NHSL2: variants seen among roughly 807,000 people sequenced by gnomAD.
NHSL2 encodes NHS like 2, also known as NHS-like protein 2.
NHSL2 carries 27 observed loss-of-function variants against 53.4 expected under a neutral mutation model. That is an observed-to-expected ratio of 0.51 (90% CI 0.37 to 0.70). The LOEUF (loss-of-function observed/expected upper bound fraction) is 0.70. NHSL2 is among the 30% of genes least tolerant of loss of function. The pLI, the probability that NHSL2 is intolerant of heterozygous loss-of-function variation, is 0.00. For missense variants in NHSL2, 892 were observed against 980.1 expected, an observed-to-expected ratio of 0.91 and a Z score of 1.20; for synonymous variants, 408 against 404.1, an observed-to-expected ratio of 1.01 and a Z score of -0.12.
Position 72,058,733 on chromosome X carries a change from A to G in NHSL2, c.281-73346A>G, listed in dbSNP as rs1225401413. 4.4e-5 allele frequency among the ~76,000 whole-genome samples: 5 copies of G among 112,441 alleles called. No homozygotes were observed. The South Asian group carries it at 1.8e-3, about 41-fold the overall frequency. ...CCAGTTCCTTGTCCAGAAAATCCTCATTGTAAAGGACACCAGGATTGCTAC... is the reference window on the plus strand; with the variant it reads ...CCAGTTCCTTGTCCAGAAAATCCTCGTTGTAAAGGACACCAGGATTGCTAC... On this transcript the variant is annotated intron_variant, in intron 1 of 7. Transcript: ENST00000633930.
chrX:71,962,627 CTTTT>C (rs57600316), intron 1 of NHSL2, among the ~76,000 whole-genome samples: 58 of 54,771 alleles, frequency 1.1e-3, no homozygotes, highest in Middle Eastern at 9.5e-3. Flanking sequence ...CATCTCTTTC[CTTTT>C]TTTTTTTTTT....
intron 1 of NHSL2, among the ~76,000 whole-genome samples, chrX:71,967,914 T>G (rs2041908222): frequency 9.0e-6 from 1 of 111,076 alleles, no homozygotes; most frequent in Non-Finnish European, 1.9e-5. Flanking sequence ...GAAGAGGTAT[T>G]GATTTTTCAG....
intron 1 of NHSL2, among the ~76,000 whole-genome samples, chrX:72,056,815 A>G (rs1203280386): frequency 2.7e-5 from 3 of 112,433 alleles, no homozygotes; most frequent in South Asian, 3.7e-4. Context: ...GCTGCCTACA[A>G]ATACTTTTAC....
intron 1 of NHSL2, among the ~76,000 whole-genome samples, chrX:72,058,454 C>A (rs1190230508): frequency 9.0e-6 from 1 of 111,723 alleles, no homozygotes; most frequent in Non-Finnish European, 1.9e-5. Flanking sequence ...AAGCGATTCT[C>A]CTGCCTCAGC....
chrX:72,008,839 G>A (rs184078930), intron 1 of NHSL2, among the ~76,000 whole-genome samples: 18 of 111,822 alleles, frequency 1.6e-4, no homozygotes, highest in Admixed American at 1.4e-3. Flanking sequence ...TGCCACCATC[G>A]TCTCTGGCCT....
chrX:71,912,707 G>A (rs772638496), intron 1 of NHSL2, among the ~76,000 whole-genome samples: 1 of 112,417 alleles, frequency 8.9e-6, no homozygotes, highest in South Asian at 3.7e-4. Flanking sequence ...TGGACCAGGA[G>A]CCTCTGCATG....
At chrX:72,064,416 G>A (rs1351842591) in intron 1 of NHSL2, among the ~76,000 whole-genome samples, 1 of 112,250 alleles carries the variant, frequency 8.9e-6, no homozygotes, top group Non-Finnish European at 1.9e-5. Context: ...TCCCAACCCT[G>A]CCACTTACTA....
intron 1 of NHSL2, among the ~76,000 whole-genome samples, chrX:72,116,314 C>A (rs1185897460): frequency 8.9e-6 from 1 of 111,896 alleles, no homozygotes; most frequent in Non-Finnish European, 1.9e-5. Flanking sequence ...GTAATTCTAA[C>A]TGGATCATAA....
intron 1 of NHSL2, among the ~76,000 whole-genome samples, chrX:71,979,093 G>A (rs1159144503): frequency 5.4e-5 from 6 of 110,357 alleles, no homozygotes; most frequent in Middle Eastern, 4.6e-3. Flanking sequence ...ACATCAACTC[G>A]TCCTTTTTAT....
At chrX:72,056,989 G>C (rs1023353772) in intron 1 of NHSL2, among the ~76,000 whole-genome samples, 4 of 112,424 alleles carry the variant, frequency 3.6e-5, no homozygotes, top group African/African-American at 1.3e-4. Context: ...ACCAGGGCCT[G>C]ATTCTGTGAA....
At chrX:72,053,580 C>T (rs960963793) in intron 1 of NHSL2, among the ~76,000 whole-genome samples, 3 of 111,593 alleles carry the variant, frequency 2.7e-5, no homozygotes, top group Non-Finnish European at 5.6e-5. Context: ...AGTTCAGAAT[C>T]GTAGACTGGC....
At chrX:72,082,543 A>G (rs1298362493) in intron 1 of NHSL2, among the ~76,000 whole-genome samples, 2 of 111,803 alleles carry the variant, frequency 1.8e-5, no homozygotes, top group Admixed American at 9.4e-5. Flanking sequence ...TCCAGTGAGG[A>G]GGCTTAAGTG....
At chrX:71,967,902 A>G (rs1446971052) in intron 1 of NHSL2, among the ~76,000 whole-genome samples, 1 of 110,960 alleles carries the variant, frequency 9.0e-6, no homozygotes, top group Non-Finnish European at 1.9e-5. Context: ...TGATTAATCT[A>G]AGAAGAGGTA....
intron 1 of NHSL2, among the ~76,000 whole-genome samples, chrX:72,028,178 G>A (rs921938252): frequency 8.9e-6 from 1 of 112,589 alleles, no homozygotes; most frequent in Non-Finnish European, 1.9e-5. Context: ...CAGTGGGCCA[G>A]GAGCCACTCA....
At chrX:71,972,625 G>T (rs933449159) in intron 1 of NHSL2, among the ~76,000 whole-genome samples, 1 of 105,159 alleles carries the variant, frequency 9.5e-6, no homozygotes, top group African/African-American at 3.5e-5. Flanking sequence ...CCTGCTAGAA[G>T]TTCATTGAGC....
chrX:72,048,070 G>GATGATAATAATAATA (rs754551330), intron 1 of NHSL2, among the ~76,000 whole-genome samples: 3 of 101,793 alleles, frequency 2.9e-5, no homozygotes, highest in African/African-American at 1.1e-4. Context: ...CACTCATGAT[G>GATGATAATAATAATA]ATAACAATAA....
In NHSL2 at chrX:72,152,241, C is replaced by T. The variant is rs1423732133; in HGVS notation, c.*8667C>T. 3 of 113,089 alleles carry T rather than the reference C, an allele frequency of 2.7e-5. No individual in the cohort carries two copies. Among genetic ancestry groups the T allele is most frequent in the South Asian group, 3.6e-4 (1 of 2,787 alleles). 9.3% of individuals were successfully genotyped at this position (113,089 alleles called of 1,213,427 possible). A position where few individuals can be genotyped will look rare whatever the true frequency, so the allele number is the denominator to read the frequency against. ...ACATTTTCACATTTTCTCGTATAAA[C>T]GTTGTGGGATAAGAATGGATGATAT... On this transcript the variant is annotated 3_prime_UTR_variant, in exon 8 of 8. Coordinates refer to ENST00000633930, the MANE Select transcript of NHSL2 (RefSeq NM_001013627.3).
chrX:72,106,713 C>G (rs1450596149), intron 1 of NHSL2, among the ~76,000 whole-genome samples: 2 of 111,879 alleles, frequency 1.8e-5, no homozygotes, highest in Admixed American at 1.9e-4. Context: ...GAAACCAACC[C>G]AAATATCCAT....
At chrX:72,003,493 C>T (rs907361601) in intron 1 of NHSL2, among the ~76,000 whole-genome samples, 6 of 111,585 alleles carry the variant, frequency 5.4e-5, no homozygotes, top group Non-Finnish European at 1.1e-4. Flanking sequence ...GTGGGCTAAA[C>T]CACCTAGAAC....
Sources: allele counts gnomAD v4.1 joint callset (sites outside exome capture counted in the v4.1 genomes callset), GRCh38; gene constraint gnomAD v4.1.1; transcripts MANE v1.5; gene names NCBI Gene and HGNC (gene_info 2026-07-23, HGNC 2026-07-21).